The following PDE11A variants were observed in gnomAD, a reference collection of about 807,000 sequenced individuals.
The protein encoded by PDE11A is phosphodiesterase 11A.
PDE11A carries 100 observed loss-of-function variants against 100.5 expected under a neutral mutation model. That is an observed-to-expected ratio of 1.00 (90% confidence interval 0.85 to 1.18). PDE11A has a LOEUF of 1.18. Among genes scored for constraint, PDE11A ranks in the 50% most tolerant of loss-of-function variants. The probability of loss-of-function intolerance (pLI) is 0.00; values close to 1 mark genes in which losing one functional copy is unlikely to be tolerated. For synonymous variants in PDE11A, 381 were observed against 420.8 expected, an observed-to-expected ratio of 0.91 and a Z score of 1.16; for missense variants, 1,141 against 1,152.6, an observed-to-expected ratio of 0.99 and a Z score of 0.15.
rs1372592592 is a variant in PDE11A at position 178,071,089 on chromosome 2, C to A, written c.912+437G>T. Among the ~76,000 whole-genome samples, 3 of 152,200 alleles carry A rather than the reference C, an allele frequency of 2.0e-5. No individual in the cohort carries two copies. In the East Asian group the frequency reaches 5.8e-4, roughly 29 times the overall value. The stretch of plus-strand genomic sequence containing the variant: ...TCCAATATTGACTTAGAGAATGAAG[C>A]ATTATGGTCCCCAAAAGACACCAAA... On this transcript the variant is annotated intron_variant, in intron 1 of 19. Coordinates refer to ENST00000286063, the MANE Select transcript of PDE11A (RefSeq NM_016953.4).
rs1202716021 is a variant in PDE11A, at chr2:177,624,092, C to A, written c.*5315G>T. 1 of 152,194 alleles carries A rather than the reference C, an allele frequency of 6.6e-6. No individual in the cohort carries two copies. Among genetic ancestry groups the A allele is most frequent in the Non-Finnish European group, 1.5e-5 (1 of 68,042 alleles). The allele number at this position is 152,194 out of a possible 1,614,324, so 9.4% of individuals were successfully genotyped here. Reference sequence around the variant, plus strand: ...GACTTAACCTTTACATTTCCTGATACATTTGAGTTTTGGGAGTTCTTTACA... The same window carrying A: ...GACTTAACCTTTACATTTCCTGATAAATTTGAGTTTTGGGAGTTCTTTACA... On this transcript the variant is annotated 3_prime_UTR_variant, in exon 20 of 20. Transcript: ENST00000286063.
chr2:177,678,371 C>T (rs1210801438), intron 16 of PDE11A, among the ~76,000 whole-genome samples: 3 of 152,160 alleles, frequency 2.0e-5, no homozygotes, highest in Admixed American at 1.3e-4. Flanking sequence ...TTAGAATTAA[C>T]TTACATTACG....
chr2:177,917,243 C>A (rs2084968222), intron 2 of PDE11A, among the ~76,000 whole-genome samples: 1 of 152,078 alleles, frequency 6.6e-6, no homozygotes, highest in Non-Finnish European at 1.5e-5. Flanking sequence ...TCCTGGGAGC[C>A]ATCATTGATT....
intron 2 of PDE11A, chr2:177,922,840 T>C: frequency 1.0e-6 from 1 of 984,290 alleles, no homozygotes; most frequent in Non-Finnish European, 1.2e-6. Flanking sequence ...ATTTCTTGTA[T>C]TCCAGTCACA....
chr2:177,913,116 A>G (rs1285112879), intron 2 of PDE11A, among the ~76,000 whole-genome samples: 1 of 152,198 alleles, frequency 6.6e-6, no homozygotes, highest in Non-Finnish European at 1.5e-5. Context: ...TATAAAATAT[A>G]CCTCAAGAAA....
Position 178,032,344 on chromosome 2 carries a change from C to T in PDE11A, c.913-17884G>A, listed in dbSNP as rs59183160. ...ATTAAAATTAAGAGCTTGGGCTGGG[C>T]GTGGTGGCACATGCCTGTAGTCCCA... is the stretch of plus-strand genomic sequence containing the variant. On this transcript the variant is annotated intron_variant, in intron 1 of 19. Coordinates refer to ENST00000286063, the MANE Select transcript of PDE11A (RefSeq NM_016953.4). Among the ~76,000 whole-genome samples, 1,272 of 152,124 alleles carry T rather than the reference C, an allele frequency of 8.4e-3. 21 individuals carry two copies. The highest frequency in any genetic ancestry group is 0.03 in the African/African-American group (1,237 of 41,502).
At chr2:177,906,124 G>T (rs1334449205) in intron 2 of PDE11A, among the ~76,000 whole-genome samples, 1 of 152,130 alleles carries the variant, frequency 6.6e-6, no homozygotes, top group Non-Finnish European at 1.5e-5. Flanking sequence ...AGGGAAAAAA[G>T]CATGTTTATA....
chr2:177,710,048 A>G (rs2081337259), intron 13 of PDE11A, among the ~76,000 whole-genome samples: 1 of 152,096 alleles, frequency 6.6e-6, no homozygotes, highest in Non-Finnish European at 1.5e-5. Flanking sequence ...GGCTTTTTTC[A>G]AGATGCGGGG....
Position 177,786,070 on chromosome 2 carries a change from G to A in PDE11A, c.1738-16697C>T, listed in dbSNP as rs1035786034. ...AGCACGCAGCTGGAGATCTGAGAAC[G>A]GGCAGACTGCCTCGTCAAGTGGGTC... On this transcript the variant is annotated intron_variant, in intron 9 of 19. Transcript: ENST00000286063. Among the ~76,000 whole-genome samples, 473 of 152,254 alleles carry A rather than the reference G, an allele frequency of 3.1e-3. 1 individual carries two copies. The highest frequency in any genetic ancestry group is 3.9e-3 in the African/African-American group (164 of 41,558).
At chr2:178,098,496 T>G (rs1287965716) in intron 2 of PDE11A, among the ~76,000 whole-genome samples, 1 of 152,048 alleles carries the variant, frequency 6.6e-6, no homozygotes, top group African/African-American at 2.4e-5. Context: ...AAATGGGAGA[T>G]TGTATAAATA....
chr2:177,960,333 AAAG>A (rs2085616428), intron 2 of PDE11A, among the ~76,000 whole-genome samples: 1 of 152,176 alleles, frequency 6.6e-6, no homozygotes, highest in South Asian at 2.1e-4. Context: ...ATTGTGTATC[AAAG>A]AAGAAGCTAA....
chr2:177,836,455 G>A (rs1301016932), intron 6 of PDE11A, among the ~76,000 whole-genome samples: 1 of 152,158 alleles, frequency 6.6e-6, no homozygotes, highest in African/African-American at 2.4e-5. Flanking sequence ...CTATCTTGGG[G>A]ATTGTAAATG....
At chr2:177,834,027 T>A (rs1262943925) in intron 6 of PDE11A, among the ~76,000 whole-genome samples, 1 of 152,190 alleles carries the variant, frequency 6.6e-6, no homozygotes, top group Non-Finnish European at 1.5e-5. Flanking sequence ...TCAGCTGGTG[T>A]GTAGTGGCCC....
intron 2 of PDE11A, among the ~76,000 whole-genome samples, chr2:177,981,056 C>A (rs1016470455): frequency 6.7e-6 from 1 of 149,648 alleles, no homozygotes; most frequent in East Asian, 1.9e-4. Context: ...CAGTTAAAAT[C>A]CCAGCTCCTT....
chr2:177,884,475 C>T (rs1054101832), intron 4 of PDE11A, among the ~76,000 whole-genome samples: 1 of 152,152 alleles, frequency 6.6e-6, no homozygotes, highest in Non-Finnish European at 1.5e-5. Context: ...GGACTATTTG[C>T]ACAAAGATAT....
chr2:178,036,956 G>A (rs1467788509), intron 1 of PDE11A, among the ~76,000 whole-genome samples: 2 of 152,128 alleles, frequency 1.3e-5, no homozygotes, highest in Non-Finnish European at 2.9e-5. Context: ...CAGGACATAG[G>A]CATGGGCAAA....
intron 12 of PDE11A, among the ~76,000 whole-genome samples, chr2:177,715,339 G>A (rs1368718615): frequency 2.6e-5 from 4 of 151,996 alleles, no homozygotes; most frequent in Non-Finnish European, 5.9e-5. Flanking sequence ...CTTTATTTCT[G>A]GTGTTCAGCA....
intron 5 of PDE11A, among the ~76,000 whole-genome samples, chr2:177,856,026 A>G (rs551467241): frequency 1.3e-5 from 2 of 152,106 alleles, no homozygotes; most frequent in South Asian, 4.2e-4. Context: ...TGTTAAGTGG[A>G]AAATGAAACC....
At chr2:177,645,747 G>T (rs1038610374) in intron 19 of PDE11A, among the ~76,000 whole-genome samples, 1 of 152,166 alleles carries the variant, frequency 6.6e-6, no homozygotes, top group Non-Finnish European at 1.5e-5. Flanking sequence ...GAATAATTCA[G>T]ATTTGCAGTT....
Sources: gnomAD v4.1 joint callset for allele counts (sites outside exome capture counted in the v4.1 genomes callset) on GRCh38, gnomAD v4.1.1 for gene constraint, MANE v1.5 for transcripts, NCBI Gene and HGNC (gene_info 2026-07-23, HGNC 2026-07-21) for gene names.